Variants in GRIP2 observed in about 807,000 individuals in gnomAD.
The protein encoded by GRIP2 is glutamate receptor-interacting protein 2.
Under a neutral mutation model 108.3 loss-of-function variants are expected in GRIP2, and 58 were observed. The ratio of observed to expected loss-of-function variants is 0.54; its 90% confidence interval spans 0.43 to 0.67. The LOEUF (loss-of-function observed/expected upper bound fraction) is 0.67, where lower values mean the gene tolerates loss of function less well. Ranked by LOEUF, GRIP2 falls within the 30% of genes least tolerant of loss-of-function variation. The pLI is 0.00. For missense variants in GRIP2, 1,278 were observed against 1,430.6 expected, an observed-to-expected ratio of 0.89 and a Z score of 1.72; for synonymous variants, 586 against 598.2, an observed-to-expected ratio of 0.98 and a Z score of 0.30.
chr3:14,527,491 G>GC (rs1167396955), intron 1 of GRIP2, among the ~76,000 whole-genome samples: 1 of 152,060 alleles, frequency 6.6e-6, no homozygotes, highest in Non-Finnish European at 1.5e-5. Flanking sequence ...AAAATTCTTG[G>GC]CCCCAACCAG....
chr3:14,567,365 G>A, the GRIP2 span, among the ~76,000 whole-genome samples: 1 of 152,126 alleles, frequency 6.6e-6, no homozygotes, highest in Non-Finnish European at 1.5e-5. Context: ...GCTCAGTGAG[G>A]CCAACCATCC....
At chr3:14,573,224 G>A in the GRIP2 span, 1 of 1,403,936 alleles carries the variant, frequency 7.1e-7, no homozygotes, top group Non-Finnish European at 1.0e-6. Context: ...AGAGCTCCAT[G>A]AAGAGGCAGG....
chr3:14,593,684 G>T, the GRIP2 span, among the ~76,000 whole-genome samples: 1 of 152,210 alleles, frequency 6.6e-6, no homozygotes, highest in Non-Finnish European at 1.5e-5. Flanking sequence ...ATACTCCGGA[G>T]GCTAAAGGCA....
chr3:14,555,564 G>A (rs1380604846), intron 1 of GRIP2, among the ~76,000 whole-genome samples: 1 of 141,594 alleles, frequency 7.1e-6, no homozygotes, highest in African/African-American at 2.5e-5. Flanking sequence ...AGGAGAGACA[G>A]ACACAGAGAG....
Position 14,505,814 on chromosome 3 carries a change from T to C in GRIP2, c.2399-25A>G. ...CCTGGTGGTGGAGAGAGGGCCTCTG[T>C]GTTCCCTGCGGCCTCACCTTGCCCT... On this transcript the variant is annotated intron_variant, in intron 19 of 23. Coordinates refer to ENST00000621039, the MANE Select transcript of GRIP2 (RefSeq NM_001080423.4). This position sits in a 1 kb window ranked among gnomAD's most constrained non-coding sequence, Gnocchi z 4.2. 6.7e-7 allele frequency: 1 copy of C among 1,490,636 alleles called. No individual in the cohort carries two copies. The highest frequency in any genetic ancestry group is 8.9e-7 in the Non-Finnish European group (1 of 1,120,588). The allele number at this position is 1,490,636 out of a possible 1,614,324, so 92.3% of individuals were successfully genotyped here. A position where few individuals can be genotyped will look rare whatever the true frequency, so the allele number is the denominator to read the frequency against.
chr3:14,507,796 G>C lies in GRIP2; in HGVS notation c.2079-96C>G. 2 of 1,439,982 alleles carry C rather than the reference G, an allele frequency of 1.4e-6. No homozygotes were observed. Among genetic ancestry groups the C allele is most frequent in the Non-Finnish European group, 9.6e-7 (1 of 1,045,784 alleles). The allele number at this position is 1,439,982 out of a possible 1,614,324, so 89.2% of individuals were successfully genotyped here. On this transcript the variant is annotated intron_variant, in intron 17 of 23. Coordinates refer to ENST00000621039, the MANE Select transcript of GRIP2 (RefSeq NM_001080423.4). The surrounding 1 kb of genome is among the most constrained non-coding windows in gnomAD (Gnocchi z 4.6). ...GGGAATCCAGGAGAGCCACAAAGCA[G>C]AAGTCTGGCTGACCCCAGTTAAACC... is the stretch of plus-strand genomic sequence containing the variant.
rs768433850 is a variant in GRIP2, at chr3:14,511,571, A to G, written c.1721-92T>C. ...GGGGTCTGAGTGTGGACTCGGAGCC[A>G]CTGGTCCTACTCACATCCTGGTCCC... is the stretch of plus-strand genomic sequence containing the variant. On this transcript the variant is annotated intron_variant, in intron 14 of 23. Coordinates refer to ENST00000621039, the MANE Select transcript of GRIP2 (RefSeq NM_001080423.4). The surrounding 1 kb of genome is among the most constrained non-coding windows in gnomAD (Gnocchi z 4.1). 6.5e-5 allele frequency: 77 copies of G among 1,191,930 alleles called. No homozygotes were observed. Among genetic ancestry groups the G allele is most frequent in the Non-Finnish European group, 8.9e-5 (73 of 820,192 alleles). The allele number at this position is 1,191,930 out of a possible 1,614,324, so 73.8% of individuals were successfully genotyped here.
the GRIP2 span, among the ~76,000 whole-genome samples, chr3:14,584,544 G>C: frequency 6.6e-6 from 1 of 152,136 alleles, no homozygotes. Context: ...ACAAGGAAGA[G>C]GATTTCGCTG....
At chr3:14,516,920 T>C (rs1002604512) in intron 11 of GRIP2, 144 bp downstream of exon 11, 4 of 714,398 alleles carry the variant, frequency 5.6e-6, no homozygotes, top group African/African-American at 1.9e-5. Context: ...AGCCTGGTGT[T>C]CCACTCATGT....
At chr3:14,575,111 G>T in the GRIP2 span, among the ~76,000 whole-genome samples, 1 of 152,144 alleles carries the variant, frequency 6.6e-6, no homozygotes, top group East Asian at 1.9e-4. Flanking sequence ...CTTCTAAGGG[G>T]ATGGCAATGC....
At chr3:14,558,906 C>T (rs1030238211), upstream of GRIP2, among the ~76,000 whole-genome samples, 4 of 152,248 alleles carry the variant, frequency 2.6e-5, no homozygotes, top group Admixed American at 6.5e-5. Flanking sequence ...GGGATAACCT[C>T]GCCCTACCTG....
In GRIP2 at chr3:14,491,018, T is replaced by C. The variant is rs569964023; in HGVS notation, c.*2647A>G. 1 of 152,382 alleles carries C rather than the reference T, an allele frequency of 6.6e-6. No homozygotes were observed. Among genetic ancestry groups the C allele is most frequent in the African/African-American group, 2.4e-5 (1 of 41,586 alleles). 9.4% of individuals were successfully genotyped at this position (152,382 alleles called of 1,614,324 possible). A position where few individuals can be genotyped will look rare whatever the true frequency, so the allele number is the denominator to read the frequency against. On this transcript the variant is annotated 3_prime_UTR_variant, in exon 24 of 24. Transcript: ENST00000621039. ...GCAGACATGACCTAAATCTGTCTGATTCATGTTGCCCAGGGGCTGGATGAT... is the reference window on the plus strand; with the variant it reads ...GCAGACATGACCTAAATCTGTCTGACTCATGTTGCCCAGGGGCTGGATGAT...
Position 14,520,374 on chromosome 3 carries a change from C to G in GRIP2, c.860+16G>C, listed in dbSNP as rs1694372680. 1 of 1,610,572 alleles carries G rather than the reference C, an allele frequency of 6.2e-7. No homozygotes were observed. Among genetic ancestry groups the G allele is most frequent in the Admixed American group, 1.7e-5 (1 of 59,384 alleles). ...GCACACACCTCCATGGTGGCAGCACCCAGGGTGTGCCTTACCTGTCCACCA... is the reference window on the plus strand; with the variant it reads ...GCACACACCTCCATGGTGGCAGCACGCAGGGTGTGCCTTACCTGTCCACCA... On this transcript the variant is annotated intron_variant, in intron 8 of 23. Coordinates refer to ENST00000621039, the MANE Select transcript of GRIP2 (RefSeq NM_001080423.4).
chr3:14,564,261 C>T, the GRIP2 span, among the ~76,000 whole-genome samples: 1 of 152,262 alleles, frequency 6.6e-6, no homozygotes, highest in Non-Finnish European at 1.5e-5. Flanking sequence ...AAAGCCTGGG[C>T]AGGCACCATT....
At position 14,505,675 on chromosome 3, in the gene GRIP2, G is replaced by T. The variant is rs1235706725; in HGVS notation, c.2513C>A (p.Thr838Asn). 1.9e-6 allele frequency: 3 copies of T among 1,607,300 alleles called. No individual in the cohort carries two copies. Among genetic ancestry groups the T allele is most frequent in the Non-Finnish European group, 2.5e-6 (3 of 1,176,966 alleles). ...CTCTGGAAAGCTCTCGTCAGCTGGG[G>T]TTGGGGTATAGCTCGTCCTCCGGGG... ...TEPRRTSYTP[T>N]PADESFPEEE... The change falls in exon 20 of 24, where the codon ACC (threonine) becomes AAC (asparagine). Residue 838 changes from threonine (T) to asparagine (N), a missense_variant. Transcript: ENST00000621039. This position sits in a 1 kb window ranked among gnomAD's most constrained non-coding sequence, Gnocchi z 4.2.
intron 1 of GRIP2, among the ~76,000 whole-genome samples, chr3:14,526,959 G>T (rs1486673365): frequency 6.6e-6 from 1 of 152,190 alleles, no homozygotes; most frequent in African/African-American, 2.4e-5. Context: ...GGCCGAGGCA[G>T]GTGGATCACT....
At chr3:14,502,450 C>A (rs750711600) in intron 21 of GRIP2, among the ~76,000 whole-genome samples, 1 of 151,232 alleles carries the variant, frequency 6.6e-6, no homozygotes, top group Non-Finnish European at 1.5e-5. Flanking sequence ...GCCGAGATTG[C>A]ACCACTGTAC....
chr3:14,569,538 G>C, the GRIP2 span, among the ~76,000 whole-genome samples: 12 of 152,294 alleles, frequency 7.9e-5, no homozygotes, highest in East Asian at 2.1e-3. Flanking sequence ...TCTGGTTGCC[G>C]GATCGTGGGA....
intron 20 of GRIP2, chr3:14,503,908 G>C: frequency 1.8e-6 from 1 of 552,978 alleles, no homozygotes; most frequent in South Asian, 2.1e-5. Context: ...TGGCCAGTTA[G>C]AACAGGGGCA....
Sources: allele counts gnomAD v4.1 joint callset (sites outside exome capture counted in the v4.1 genomes callset), GRCh38; gene constraint gnomAD v4.1.1; non-coding constraint Gnocchi (gnomAD v3.1); transcripts MANE v1.5; gene names NCBI Gene and HGNC (gene_info 2026-07-23, HGNC 2026-07-21).